ZKSCAN3: variants seen among roughly 807,000 people sequenced by gnomAD.
The protein encoded by ZKSCAN3 is zinc finger protein with KRAB and SCAN domains 3.
Under a neutral mutation model 30.7 loss-of-function variants are expected in ZKSCAN3, and 21 were observed. That is an observed-to-expected ratio of 0.68 (90% CI 0.49 to 0.99). The LOEUF (loss-of-function observed/expected upper bound fraction) is 0.99, where lower values mean the gene tolerates loss of function less well. Ranked by LOEUF, ZKSCAN3 falls within the 50% of genes least tolerant of loss-of-function variation. The pLI is 0.00. For missense variants in ZKSCAN3, 507 were observed against 647.1 expected, an observed-to-expected ratio of 0.78 and a Z score of 2.35; for synonymous variants, 201 against 246.7, an observed-to-expected ratio of 0.81 and a Z score of 1.73.
At chr6:28,350,554 G>A (rs35744819) in intron 1 of ZKSCAN3, among the ~76,000 whole-genome samples, 1 of 152,116 alleles carries the variant, frequency 6.6e-6, no homozygotes, top group African/African-American at 2.4e-5. Context: ...GTAAAATGGG[G>A]ATAATATTCC....
At chr6:28,363,534 GTTGT>G in intron 4 of ZKSCAN3, 149 bp downstream of exon 4, 1 of 1,307,748 alleles carries the variant, frequency 7.6e-7, no homozygotes, top group Non-Finnish European at 1.1e-6. Flanking sequence ...CTATCTCGAG[GTTGT>G]TTATCATTAA....
Position 28,363,530 on chromosome 6 carries a change from C to T in ZKSCAN3, c.633+145C>T, listed in dbSNP as rs144027165. On this transcript the variant is annotated intron_variant, in intron 4 of 5. Coordinates refer to ENST00000252211, the MANE Select transcript of ZKSCAN3 (RefSeq NM_024493.4). ...GGGATCTGCATTTTCTCATCTATCTCGAGGTTGTTTATCATTAACTTTATT... is the reference window on the plus strand; with the variant it reads ...GGGATCTGCATTTTCTCATCTATCTTGAGGTTGTTTATCATTAACTTTATT... 434 of 1,288,772 alleles carry T rather than the reference C, an allele frequency of 3.4e-4. No individual in the cohort carries two copies. The East Asian group carries it at 7.6e-3, about 22-fold the overall frequency. 79.8% of individuals were successfully genotyped at this position (1,288,772 alleles called of 1,614,324 possible).
At chr6:28,359,207 G>T (rs755378570) in intron 1 of ZKSCAN3, among the ~76,000 whole-genome samples, 9 of 152,142 alleles carry the variant, frequency 5.9e-5, no homozygotes, top group Non-Finnish European at 1.2e-4. Context: ...CACAGACCTG[G>T]TTGGTAATGG....
Position 28,365,943 on chromosome 6 carries a change from G to GT in ZKSCAN3, c.1276dup (p.Tyr426LeufsTer11), listed in dbSNP as rs747530102. On this transcript the variant is annotated frameshift_variant, in exon 6 of 6. Coordinates refer to ENST00000252211, the MANE Select transcript of ZKSCAN3 (RefSeq NM_024493.4). LOFTEE classifies it low-confidence loss of function (END_TRUNC). ...ACAGAATCCACACTGGGGAGAAGCCGTATCAGTGCAGTATGTGTGGCAAAG... is the reference window on the plus strand; with the variant it reads ...ACAGAATCCACACTGGGGAGAAGCCGTTATCAGTGCAGTATGTGTGGCAAAG... The GT allele has an allele frequency of 1.9e-6, 3 of 1,613,940 alleles. No individual in the cohort carries two copies. The South Asian group carries it at 3.3e-5, about 18-fold the overall frequency.
intron 2 of ZKSCAN3, 122 bp downstream of exon 2, chr6:28,360,110 C>T (rs1765683290): frequency 1.3e-6 from 2 of 1,553,952 alleles, no homozygotes; most frequent in East Asian, 2.4e-5. Flanking sequence ...TACCGTGAAC[C>T]TCCTTGGCAG....
At chr6:28,355,068 C>G (rs1257634926) in intron 1 of ZKSCAN3, among the ~76,000 whole-genome samples, 1 of 152,188 alleles carries the variant, frequency 6.6e-6, no homozygotes, top group Admixed American at 6.5e-5. Context: ...CTAGACCTAT[C>G]TGTGTACCAT....
Position 28,359,526 on chromosome 6 carries a change from G to A in ZKSCAN3, c.-61G>A. ...TAATAATGATTTCCCACCTTTCAGGGATCTTCTGCAGAAATAGCGCTGGAA... is the reference window on the plus strand; with the variant it reads ...TAATAATGATTTCCCACCTTTCAGGAATCTTCTGCAGAAATAGCGCTGGAA... On this transcript the variant is annotated splice_region_variant and 5_prime_UTR_variant, in exon 2 of 6. Transcript: ENST00000252211. The A allele has an allele frequency of 3.8e-6, 6 of 1,564,950 alleles. 1 individual carries two copies. The South Asian group carries it at 4.7e-5, about 12-fold the overall frequency.
At position 28,351,292 on chromosome 6, in the gene ZKSCAN3, C is replaced by T. The variant is rs1252945267; in HGVS notation, c.-63+1225C>T. On this transcript the variant is annotated intron_variant, in intron 1 of 5. Coordinates refer to ENST00000252211, the MANE Select transcript of ZKSCAN3 (RefSeq NM_024493.4). This position sits in a 1 kb window ranked among gnomAD's most constrained non-coding sequence, Gnocchi z 4.6. ...TGTGGAATAAATGATATAAATGTAT[C>T]AGTGTTGTTTTCCTGCCATAGACTT... 2.0e-5 allele frequency among the ~76,000 whole-genome samples: 3 copies of T among 152,110 alleles called. No individual in the cohort carries two copies. The highest frequency in any genetic ancestry group is 1.3e-4 in the Admixed American group (2 of 15,268).
rs1362493935 is a variant in ZKSCAN3, at chr6:28,359,879, T to A, written c.293T>A (p.Leu98Gln). 6.2e-7 allele frequency: 1 copy of A among 1,614,106 alleles called. No homozygotes were observed. Among genetic ancestry groups the A allele is most frequent in the Admixed American group, 1.7e-5 (1 of 60,026 alleles). The change falls in exon 2 of 6, where the codon CTG (leucine) becomes CAG (glutamine). Residue 98 changes from leucine (L) to glutamine (Q), a missense_variant. Coordinates refer to ENST00000252211, the MANE Select transcript of ZKSCAN3 (RefSeq NM_024493.4). ...GTGCTGGAGCAGTTCCTGACCATCC[T>A]GCCGGGGAATCTGCAGAGCTGGGTG... ...LLVLEQFLTI[L>Q]PGNLQSWVRE...
chr6:28,365,505 C>A lies in ZKSCAN3; in HGVS notation c.837C>A (p.Cys279Ter), dbSNP rs567539708. The change falls in exon 6 of 6, where the codon TGC (cysteine) becomes TGA (stop). Residue 279 changes from cysteine (C) to a stop codon, truncating the protein, a stop_gained. Coordinates refer to ENST00000252211, the MANE Select transcript of ZKSCAN3 (RefSeq NM_024493.4). LOFTEE classifies it low-confidence loss of function (END_TRUNC). The part of the protein sequence containing the change: ...LPEKEHGKIS[C>*]HLREDIAQIP... ...AAAAGGAGCATGGGAAGATATCGTG[C>A]CACCTGAGAGAAGACATTGCCCAGA... 5.6e-6 allele frequency: 9 copies of A among 1,614,194 alleles called. No individual in the cohort carries two copies. The African/African-American group carries it at 1.1e-4, about 19-fold the overall frequency.
intron 3 of ZKSCAN3, 29 bp from the exon 4 acceptor site, chr6:28,363,274 A>G (rs372872862): frequency 1.2e-6 from 2 of 1,600,706 alleles, no homozygotes; most frequent in Non-Finnish European, 1.7e-6. Context: ...GCCAGGGTAC[A>G]TCTCATCCAG....
intron 1 of ZKSCAN3, among the ~76,000 whole-genome samples, chr6:28,353,657 G>A (rs184690293): frequency 1.5e-3 from 231 of 152,300 alleles, no homozygotes; most frequent in African/African-American, 5.3e-3. Flanking sequence ...ATATAGGACC[G>A]TCTGGGAGGC....
At chr6:28,362,940 G>A (rs1765821189) in intron 3 of ZKSCAN3, among the ~76,000 whole-genome samples, 2 of 152,088 alleles carry the variant, frequency 1.3e-5, no homozygotes, top group Admixed American at 1.3e-4. Context: ...TGTTTTTTAT[G>A]TTCTTTTTAT....
At chr6:28,352,721 A>C (rs1445783481) in intron 1 of ZKSCAN3, among the ~76,000 whole-genome samples, 4 of 152,210 alleles carry the variant, frequency 2.6e-5, no homozygotes, top group Non-Finnish European at 5.9e-5. Flanking sequence ...TTTTGGTATT[A>C]TTAGCTCATG....
chr6:28,355,266 A>T (rs1474018929), intron 1 of ZKSCAN3: 1 of 152,178 alleles, frequency 6.6e-6, no homozygotes, highest in Non-Finnish European at 1.5e-5. Flanking sequence ...CCCACTTTAC[A>T]AAAGTGGATG....
Position 28,351,645 on chromosome 6 carries a change from T to G in ZKSCAN3, c.-63+1578T>G, listed in dbSNP as rs1439261228. 6.6e-6 allele frequency among the ~76,000 whole-genome samples: 1 copy of G among 151,866 alleles called. No individual in the cohort carries two copies. The highest frequency in any genetic ancestry group is 1.5e-5 in the Non-Finnish European group (1 of 67,946). The stretch of plus-strand genomic sequence containing the variant: ...TTCCCTTCTCCTCCTCCTTCCCTTT[T>G]GTCTCCCTCCTTCCCTTTTACTTCC... On this transcript the variant is annotated intron_variant, in intron 1 of 5. Coordinates refer to ENST00000252211, the MANE Select transcript of ZKSCAN3 (RefSeq NM_024493.4). The surrounding 1 kb of genome is among the most constrained non-coding windows in gnomAD (Gnocchi z 4.6).
At chr6:28,360,503 G>A (rs1484990288) in intron 2 of ZKSCAN3, 1 of 901,246 alleles carries the variant, frequency 1.1e-6, no homozygotes, top group African/African-American at 1.8e-5. Flanking sequence ...TCCTGTTCAA[G>A]TTCATGGACT....
At chr6:28,360,229 A>C in intron 2 of ZKSCAN3, 1 of 675,070 alleles carries the variant, frequency 1.5e-6, no homozygotes, top group Non-Finnish European at 2.4e-6. Flanking sequence ...TTTGCAAAGT[A>C]TTAACTTTGT....
intron 5 of ZKSCAN3, 46 bp from the exon 6 acceptor site, chr6:28,365,380 T>C (rs2113931711): frequency 6.4e-7 from 1 of 1,566,030 alleles, no homozygotes; most frequent in East Asian, 2.2e-5. Context: ...CACAGAGCTT[T>C]CCTTCCATGG....
Sources: gnomAD v4.1 joint callset for allele counts (sites outside exome capture counted in the v4.1 genomes callset) on GRCh38, gnomAD v4.1.1 for gene constraint, Gnocchi (gnomAD v3.1) non-coding constraint, MANE v1.5 for transcripts, NCBI Gene and HGNC (gene_info 2026-07-23, HGNC 2026-07-21) for gene names.